The following ARK2N variants were observed in gnomAD, a reference collection of about 807,000 sequenced individuals.
ARK2N encodes protein ARK2N.
the ARK2N span, chr18:46,240,075 C>T: frequency 1.2e-6 from 2 of 1,614,138 alleles, no homozygotes; most frequent in South Asian, 1.1e-5. Context: ...TAAATGTGGA[C>T]AATTTATTGG....
the ARK2N span, among the ~76,000 whole-genome samples, chr18:46,198,542 G>A: frequency 7.9e-5 from 12 of 151,788 alleles, no homozygotes; most frequent in African/African-American, 2.2e-4. Context: ...TTTAAAATAC[G>A]CAAATGTAGG....
chr18:46,234,133 T>A, the ARK2N span, among the ~76,000 whole-genome samples: 353 of 152,324 alleles, frequency 2.3e-3, no homozygotes, highest in Non-Finnish European at 4.0e-3. Flanking sequence ...TTTTCTTGAT[T>A]GATATTTTTA....
At chr18:46,264,671 A>T in the ARK2N span, 1 of 151,266 alleles carries the variant, frequency 6.6e-6, no homozygotes, top group Non-Finnish European at 1.5e-5. Flanking sequence ...GCACATACAC[A>T]TGCATCAGTG....
the ARK2N span, chr18:46,240,217 G>C: frequency 3.7e-6 from 6 of 1,610,760 alleles, no homozygotes; most frequent in Admixed American, 1.0e-4. Flanking sequence ...CTTCTCTAAC[G>C]GTGTAATATG....
At chr18:46,204,712 T>C in the ARK2N span, among the ~76,000 whole-genome samples, 15 of 152,160 alleles carry the variant, frequency 9.9e-5, no homozygotes, top group South Asian at 3.1e-3. Flanking sequence ...TTTACATGAA[T>C]GTAGAGGAAA....
chr18:46,248,593 GT>G, the ARK2N span, among the ~76,000 whole-genome samples: 1 of 151,942 alleles, frequency 6.6e-6, no homozygotes, highest in South Asian at 2.1e-4. Context: ...TTGTTTGTTT[GT>G]TTTTTTGAGA....
chr18:46,233,291 G>C, the ARK2N span, among the ~76,000 whole-genome samples: 1 of 152,158 alleles, frequency 6.6e-6, no homozygotes, highest in South Asian at 2.1e-4. Flanking sequence ...CTTTAGCAGG[G>C]TACATAGACA....
the ARK2N span, among the ~76,000 whole-genome samples, chr18:46,227,957 G>C: frequency 7.9e-5 from 12 of 152,086 alleles, no homozygotes; most frequent in African/African-American, 2.9e-4. Context: ...TTGACCAGTA[G>C]AGGTAAGGTT....
At chr18:46,234,606 T>C in the ARK2N span, among the ~76,000 whole-genome samples, 9 of 152,170 alleles carry the variant, frequency 5.9e-5, no homozygotes, top group South Asian at 1.9e-3. Flanking sequence ...AATTTCCTTC[T>C]GTAGCTCTTG....
chr18:46,181,065 GC>G, the ARK2N span, among the ~76,000 whole-genome samples: 289 of 151,930 alleles, frequency 1.9e-3, 2 homozygotes, highest in Middle Eastern at 0.02. Flanking sequence ...TTCGAAACCA[GC>G]CTAGCCAACA....
chr18:46,244,405 A>C, the ARK2N span, among the ~76,000 whole-genome samples: 4 of 152,050 alleles, frequency 2.6e-5, 1 homozygote, highest in African/African-American at 9.7e-5. Flanking sequence ...CCATCCTTAC[A>C]ATAGGGATGG....
chr18:46,175,713 A>G, the ARK2N span, among the ~76,000 whole-genome samples: 1 of 152,162 alleles, frequency 6.6e-6, no homozygotes, highest in Admixed American at 6.5e-5. Context: ...ACGTTGGCCA[A>G]GCTGGTCTTG....
chr18:46,200,760 T>C, the ARK2N span, among the ~76,000 whole-genome samples: 1 of 151,900 alleles, frequency 6.6e-6, no homozygotes, highest in African/African-American at 2.4e-5. Flanking sequence ...GTTGTCATTG[T>C]CCCTGCTCAT....
the ARK2N span, chr18:46,253,896 A>G: frequency 6.8e-7 from 1 of 1,481,212 alleles, no homozygotes; most frequent in Non-Finnish European, 9.1e-7. Flanking sequence ...AAGTTAAAAG[A>G]AAATGGTAGA....
the ARK2N span, among the ~76,000 whole-genome samples, chr18:46,194,071 C>T: frequency 6.6e-6 from 1 of 152,088 alleles, no homozygotes; most frequent in Non-Finnish European, 1.5e-5. Flanking sequence ...AGGCTCACTG[C>T]CACATCCAAC....
At chr18:46,262,984 T>C in the ARK2N span, 4 of 1,614,194 alleles carry the variant, frequency 2.5e-6, no homozygotes, top group Non-Finnish European at 3.4e-6. Flanking sequence ...GAAGCATGGC[T>C]CGGGCACGCA....
the ARK2N span, among the ~76,000 whole-genome samples, chr18:46,257,948 A>G: frequency 8.6e-3 from 1,256 of 146,718 alleles, 49 homozygotes; most frequent in East Asian, 0.12. Flanking sequence ...TTTTTTTGAG[A>G]TGGAGTCTCG....
chr18:46,207,896 C>T, the ARK2N span, among the ~76,000 whole-genome samples: 1 of 152,302 alleles, frequency 6.6e-6, no homozygotes, highest in East Asian at 1.9e-4. Context: ...ATTCCATTGG[C>T]CTACCCCATT....
At chr18:46,203,510 C>A in the ARK2N span, among the ~76,000 whole-genome samples, 1 of 152,088 alleles carries the variant, frequency 6.6e-6, no homozygotes. Flanking sequence ...TGTATATGGT[C>A]ATTACGTGGA....
Sources: allele counts gnomAD v4.1 joint callset (sites outside exome capture counted in the v4.1 genomes callset), GRCh38; gene constraint gnomAD v4.1.1; transcripts MANE v1.5; gene names NCBI Gene and HGNC (gene_info 2026-07-23, HGNC 2026-07-21).